Variants in ACAN observed in about 807,000 individuals in gnomAD.
ACAN encodes aggrecan core protein.
A neutral mutation model predicts 169.1 loss-of-function variants in ACAN; 47 were observed. The ratio of observed to expected loss-of-function variants is 0.28; its 90% CI spans 0.22 to 0.35. ACAN has a LOEUF of 0.35. ACAN is among the 10% of genes least tolerant of loss of function. The pLI is 1.00. For missense variants in ACAN, 2,716 were observed against 2,759.9 expected, an observed-to-expected ratio of 0.98 and a Z score of 0.36; for synonymous variants, 1,115 against 1,112.2, an observed-to-expected ratio of 1.00 and a Z score of -0.05.
In ACAN at chr15:88,814,344, C is replaced by G. The variant is rs1427541026; in HGVS notation, c.-8+10535C>G. Among the ~76,000 whole-genome samples, 1 of 152,216 alleles carries G rather than the reference C, an allele frequency of 6.6e-6. No individual in the cohort carries two copies. Among genetic ancestry groups the G allele is most frequent in the Non-Finnish European group, 1.5e-5 (1 of 68,044 alleles). On this transcript the variant is annotated intron_variant, in intron 1 of 18. Transcript: ENST00000560601. The surrounding 1 kb of genome is among the most constrained non-coding windows in gnomAD (Gnocchi z 4.0). ...AGACCCGTTCCTGGTATCTCTGAACCTGAATTTTTGGATGATCATGACTGC... is the reference window on the plus strand; with the variant it reads ...AGACCCGTTCCTGGTATCTCTGAACGTGAATTTTTGGATGATCATGACTGC...
Position 88,872,135 on chromosome 15 carries a change from A to G in ACAN, c.7302+50A>G. On this transcript the variant is annotated intron_variant, in intron 16 of 18. Coordinates refer to ENST00000560601, the MANE Select transcript of ACAN (RefSeq NM_001369268.1). The surrounding 1 kb of genome is among the most constrained non-coding windows in gnomAD (Gnocchi z 5.4). ...GGTGGCCCAGGGGACAGGGAGTGGG[A>G]TAGAGACCCCTGGAGAGAGATGCAT... 1 of 1,510,558 alleles carries G rather than the reference A, an allele frequency of 6.6e-7. No individual in the cohort carries two copies. Among genetic ancestry groups the G allele is most frequent in the South Asian group, 1.1e-5 (1 of 89,076 alleles). 93.6% of individuals were successfully genotyped at this position (1,510,558 alleles called of 1,614,324 possible). A position where few individuals can be genotyped will look rare whatever the true frequency, so the allele number is the denominator to read the frequency against.
At chr15:88,852,145 C>A (rs536254327) in intron 11 of ACAN, 112 bp downstream of exon 11, 714 of 1,435,790 alleles carry the variant, frequency 5.0e-4, no homozygotes, top group Non-Finnish European at 6.2e-4. Context: ...GCTGTTTCCC[C>A]AGCCCTGACA....
intron 1 of ACAN, among the ~76,000 whole-genome samples, chr15:88,806,047 G>A (rs1368436782): frequency 1.3e-5 from 2 of 152,188 alleles, no homozygotes; most frequent in Non-Finnish European, 2.9e-5. Context: ...AGGAAGACTG[G>A]GATTCAAATT....
Position 88,856,962 on chromosome 15 carries a change from T to A in ACAN, c.4377T>A (p.Thr1459=). 6.2e-7 allele frequency: 1 copy of A among 1,613,158 alleles called. No homozygotes were observed. The highest frequency in any genetic ancestry group is 1.7e-4 in the Middle Eastern group (1 of 5,982). The change falls in exon 12 of 19, where the codon ACT becomes ACA. Residue 1459 remains threonine (T), a synonymous_variant. Coordinates refer to ENST00000560601, the MANE Select transcript of ACAN (RefSeq NM_001369268.1). ...SGLPSGEVLE[T]STSAVGDLSG... is the part of the protein sequence containing the mutation. ...TTCCTTCTGGAGAAGTTCTAGAGAC[T>A]TCTACCTCTGCGGTAGGGGACCTCA...
intron 1 of ACAN, among the ~76,000 whole-genome samples, chr15:88,818,784 C>G (rs1044683267): frequency 3.3e-5 from 5 of 152,050 alleles, no homozygotes; most frequent in African/African-American, 7.2e-5. Context: ...GGGGCCAACC[C>G]CATGAAGAGA....
At chr15:88,852,255 A>G (rs1023497056) in intron 11 of ACAN, among the ~76,000 whole-genome samples, 4 of 152,182 alleles carry the variant, frequency 2.6e-5, no homozygotes, top group African/African-American at 9.7e-5. Flanking sequence ...AAATTTTTTT[A>G]TTACACATTT....
rs757798845 is a variant in ACAN, at chr15:88,841,832, C to A, written c.722C>A (p.Thr241Asn). The A allele has an allele frequency of 6.2e-7, 1 of 1,613,362 alleles. No homozygotes were observed. The highest frequency in any genetic ancestry group is 1.7e-5 in the Admixed American group (1 of 59,938). The change falls in exon 5 of 19, where the codon ACC becomes AAC. Residue 241 changes from threonine (T) to asparagine (N), a missense_variant. Around this residue, in one of 3 missense-constraint regions of ACAN, gnomAD observed 1,283 missense variants for 1,281.5 expected, o/e 1.00. Coordinates refer to ENST00000560601, the MANE Select transcript of ACAN (RefSeq NM_001369268.1). Reference sequence around the variant, plus strand: ...TATGGCATCCGAGACACCAACGAGACCTATGATGTGTACTGCTTCGCCGAG... The same window carrying A: ...TATGGCATCCGAGACACCAACGAGAACTATGATGTGTACTGCTTCGCCGAG... ...RTYGIRDTNETYDVYCFAEEM... is the reference protein window; with the variant it reads ...RTYGIRDTNENYDVYCFAEEM...
At chr15:88,820,235 C>CAG (rs1408973958) in intron 1 of ACAN, among the ~76,000 whole-genome samples, 5 of 152,170 alleles carry the variant, frequency 3.3e-5, no homozygotes, top group Admixed American at 1.3e-4. Flanking sequence ...ATGCTCCTCC[C>CAG]AGTCAGTCTC....
intron 1 of ACAN, among the ~76,000 whole-genome samples, chr15:88,834,053 C>T (rs1180741581): frequency 3.9e-5 from 6 of 152,158 alleles, no homozygotes; most frequent in East Asian, 1.9e-4. Flanking sequence ...ATTTCCCAGC[C>T]GCAACTCGTC....
At position 88,859,073 on chromosome 15, in the gene ACAN, C is replaced by A. The variant is rs573314060; in HGVS notation, c.6488C>A (p.Ala2163Asp). ...TLTFQEGEAS[A>D]APEVSGESTT... ...ACATTTCAAGAAGGCGAGGCGTCCG[C>A]TGCCCCAGAAGTGAGTGGAGAATCC... Residue 2163 changes from alanine (A) to aspartate (D), a missense_variant, in exon 12 of 19, where the codon GCT becomes GAT. This residue lies in a region of ACAN where 1,389 missense variants were observed against 1,363.7 expected (regional missense o/e 1.02). Transcript: ENST00000560601. The A allele has an allele frequency of 1.2e-6, 2 of 1,613,834 alleles. No individual in the cohort carries two copies. The highest frequency in any genetic ancestry group is 1.7e-6 in the Non-Finnish European group (2 of 1,179,914).
Position 88,869,272 on chromosome 15 carries a change from A to G in ACAN, c.7060+943A>G, listed in dbSNP as rs1208445415. On this transcript the variant is annotated intron_variant, in intron 14 of 18. Coordinates refer to ENST00000560601, the MANE Select transcript of ACAN (RefSeq NM_001369268.1). The surrounding 1 kb of genome is among the most constrained non-coding windows in gnomAD (Gnocchi z 4.2). ...TAGGGGCTTAAAATCCTTTTCAATG[A>G]ACTCTCAAGTTGGATACCCAGAAAC... 6.6e-6 allele frequency among the ~76,000 whole-genome samples: 1 copy of G among 152,138 alleles called. No homozygotes were observed. The highest frequency in any genetic ancestry group is 1.5e-5 in the Non-Finnish European group (1 of 68,018).
At position 88,849,739 on chromosome 15, in the gene ACAN, G is replaced by A. The variant is rs139402847; in HGVS notation, c.2026+8G>A. ...ATGCCTTCTGCTTCCGAGGTATGCA[G>A]CCTCACTTCGGCTCCAACAGCCCCT... On this transcript the variant is annotated splice_region_variant and intron_variant, in intron 10 of 18. Transcript: ENST00000560601. The surrounding 1 kb of genome is among the most constrained non-coding windows in gnomAD (Gnocchi z 5.1). 7 of 1,612,992 alleles carry A rather than the reference G, an allele frequency of 4.3e-6. No individual in the cohort carries two copies. The highest frequency in any genetic ancestry group is 5.9e-6 in the Non-Finnish European group (7 of 1,179,564).
At chr15:88,862,489 G>A (rs1307542221) in intron 13 of ACAN, among the ~76,000 whole-genome samples, 1 of 152,202 alleles carries the variant, frequency 6.6e-6, no homozygotes, top group Non-Finnish European at 1.5e-5. Flanking sequence ...CTGGCTAAGA[G>A]AAGCTTTAGC....
intron 1 of ACAN, among the ~76,000 whole-genome samples, chr15:88,812,521 C>A (rs1895845604): frequency 6.6e-6 from 1 of 152,174 alleles, no homozygotes; most frequent in Admixed American, 6.5e-5. Context: ...TCACATCATT[C>A]TCCCCTCCTC....
chr15:88,816,131 C>A (rs748117036), intron 1 of ACAN, among the ~76,000 whole-genome samples: 2 of 152,334 alleles, frequency 1.3e-5, no homozygotes, highest in Non-Finnish European at 2.9e-5. Context: ...AATAAGGACA[C>A]CAGCTATATT....
chr15:88,864,216 C>A (rs1897246795), intron 13 of ACAN, among the ~76,000 whole-genome samples: 1 of 151,830 alleles, frequency 6.6e-6, no homozygotes, highest in Non-Finnish European at 1.5e-5. Context: ...TCAAGATCAA[C>A]CTTTAAAATA....
At chr15:88,811,914 C>T (rs1298142076) in intron 1 of ACAN, among the ~76,000 whole-genome samples, 1 of 152,046 alleles carries the variant, frequency 6.6e-6, no homozygotes, top group Non-Finnish European at 1.5e-5. Context: ...TTGTTCTCCC[C>T]CATCCCCCTA....
intron 11 of ACAN, among the ~76,000 whole-genome samples, chr15:88,853,629 C>A (rs959826456): frequency 6.6e-6 from 1 of 151,944 alleles, no homozygotes; most frequent in Non-Finnish European, 1.5e-5. Context: ...CAGAGCAAGA[C>A]CCTCTCTCCA....
intron 11 of ACAN, among the ~76,000 whole-genome samples, chr15:88,852,457 T>G (rs943143914): frequency 6.6e-6 from 1 of 152,196 alleles, no homozygotes; most frequent in Non-Finnish European, 1.5e-5. Context: ...GACTGTGACC[T>G]GTCTCCTTGC....
Sources: allele counts gnomAD v4.1 joint callset (sites outside exome capture counted in the v4.1 genomes callset), GRCh38; gene constraint gnomAD v4.1.1; regional missense constraint gnomAD v4.1.1; non-coding constraint Gnocchi (gnomAD v3.1); transcripts MANE v1.5; gene names NCBI Gene and HGNC (gene_info 2026-07-23, HGNC 2026-07-21).